RNLS: variants seen among roughly 807,000 people sequenced by gnomAD.
The protein encoded by RNLS is renalase.
Under a neutral mutation model 39.8 loss-of-function variants are expected in RNLS, and 39 were observed. That is an observed-to-expected ratio of 0.98 (90% confidence interval 0.76 to 1.28). The LOEUF is 1.28. Among genes scored for constraint, RNLS ranks in the 50% most tolerant of loss-of-function variants. The pLI, the probability that RNLS is intolerant of heterozygous loss-of-function variation, is 0.00. For synonymous variants in RNLS, 147 were observed against 150.7 expected, an observed-to-expected ratio of 0.98 and a Z score of 0.18; for missense variants, 410 against 413.3, an observed-to-expected ratio of 0.99 and a Z score of 0.07.
At chr10:88,211,854 A>G in the RNLS span, among the ~76,000 whole-genome samples, 13,740 of 152,154 alleles carry the variant, frequency 0.09, 649 homozygotes, top group African/African-American at 0.12. Context: ...TTAAAACATC[A>G]CTCTTGCTAC....
intron 4 of RNLS, among the ~76,000 whole-genome samples, chr10:88,449,420 G>C (rs911993018): frequency 6.6e-6 from 1 of 152,210 alleles, no homozygotes. Context: ...CCCAGCTCAA[G>C]TGTCACCTTC....
chr10:88,224,205 T>TGGCG, the RNLS span, among the ~76,000 whole-genome samples: 4 of 152,122 alleles, frequency 2.6e-5, no homozygotes, highest in Non-Finnish European at 5.9e-5. Context: ...AAGATCAAGG[T>TGGCG]GGCGGTAGGT....
At chr10:88,487,236 A>C (rs772655753) in intron 4 of RNLS, among the ~76,000 whole-genome samples, 1 of 152,168 alleles carries the variant, frequency 6.6e-6, no homozygotes, top group African/African-American at 2.4e-5. Context: ...ACAAGCATAA[A>C]ATATACCTAT....
intron 4 of RNLS, among the ~76,000 whole-genome samples, chr10:88,490,919 A>T (rs1250401929): frequency 6.6e-6 from 1 of 152,206 alleles, no homozygotes; most frequent in Non-Finnish European, 1.5e-5. Context: ...CTATCAATTT[A>T]TATACAATGA....
rs530994938 is a variant in RNLS, at chr10:88,445,796, G to A, written c.527-83071C>T. 3.9e-5 allele frequency among the ~76,000 whole-genome samples: 6 copies of A among 152,264 alleles called. No individual in the cohort carries two copies. In the South Asian group the frequency reaches 1.2e-3, roughly 32 times the overall value. ...AAATATACATGCACCCAATACAGGA[G>A]CACCCAAATTCATAAAGCAAGTCCT... On this transcript the variant is annotated intron_variant, in intron 4 of 6. Coordinates refer to ENST00000331772, the MANE Select transcript of RNLS (RefSeq NM_001031709.3).
rs114982373 is a variant in RNLS at position 88,311,535 on chromosome 10, G to A, written c.876+2931C>T. On this transcript the variant is annotated intron_variant, in intron 6 of 6. Transcript: ENST00000331772. ...CAAGTGCTTTATTCAAATTAAAAAT[G>A]GGATGCACAGAAACAGCTCCCAAGT... Among the ~76,000 whole-genome samples, 504 of 152,260 alleles carry A rather than the reference G, an allele frequency of 3.3e-3. 3 individuals carry two copies. The highest frequency in any genetic ancestry group is 0.011 in the African/African-American group (472 of 41,558).
intron 5 of RNLS, among the ~76,000 whole-genome samples, chr10:88,354,943 T>G (rs756016754): frequency 2.2e-4 from 34 of 152,232 alleles, no homozygotes; most frequent in Admixed American, 3.9e-4. Context: ...AAACTTCTCT[T>G]CTCGCTTCAT....
chr10:88,319,183 C>A (rs950041743), intron 5 of RNLS, among the ~76,000 whole-genome samples: 1 of 152,114 alleles, frequency 6.6e-6, no homozygotes, highest in Non-Finnish European at 1.5e-5. Context: ...CCATACAGCA[C>A]CTTGGTCCTC....
chr10:88,176,585 G>T, the RNLS span, among the ~76,000 whole-genome samples: 4 of 152,090 alleles, frequency 2.6e-5, no homozygotes, highest in Non-Finnish European at 4.4e-5. Context: ...CATATCTTTT[G>T]TTCCTTTATT....
chr10:88,195,148 G>A, the RNLS span, among the ~76,000 whole-genome samples: 1 of 152,076 alleles, frequency 6.6e-6, no homozygotes, highest in African/African-American at 2.4e-5. Flanking sequence ...TCTTTTTCCT[G>A]ACCCTGAATG....
At chr10:88,289,024 T>C (rs1843485515) in intron 6 of RNLS, among the ~76,000 whole-genome samples, 1 of 152,152 alleles carries the variant, frequency 6.6e-6, no homozygotes, top group African/African-American at 2.4e-5. Context: ...AAACAACCCC[T>C]TGCAAATCCA....
At chr10:88,368,226 T>C (rs1415942760) in intron 4 of RNLS, among the ~76,000 whole-genome samples, 1 of 151,946 alleles carries the variant, frequency 6.6e-6, no homozygotes, top group Non-Finnish European at 1.5e-5. Flanking sequence ...AGACCAAATA[T>C]ATCGAATACT....
At chr10:88,537,222 T>G (rs1050354385) in intron 4 of RNLS, among the ~76,000 whole-genome samples, 4 of 152,180 alleles carry the variant, frequency 2.6e-5, no homozygotes, top group Non-Finnish European at 5.9e-5. Flanking sequence ...CTTCTATGCT[T>G]TAGAAAAAAA....
At chr10:88,362,418 T>C (rs2133368547) in intron 5 of RNLS, 134 bp downstream of exon 5, 2 of 751,294 alleles carry the variant, frequency 2.7e-6, no homozygotes, top group East Asian at 5.4e-5. Flanking sequence ...AAATGTGACA[T>C]TAAATTTTAT....
intron 4 of RNLS, among the ~76,000 whole-genome samples, chr10:88,405,503 A>G (rs1239462772): frequency 6.6e-6 from 1 of 152,072 alleles, no homozygotes; most frequent in East Asian, 1.9e-4. Context: ...TTTGTCTGAT[A>G]TAAGAATAGC....
chr10:88,414,125 T>G (rs186999805), intron 4 of RNLS, among the ~76,000 whole-genome samples: 17 of 152,294 alleles, frequency 1.1e-4, no homozygotes, highest in Admixed American at 4.6e-4. Context: ...CTCTTCACCA[T>G]GAAGCAAATA....
the RNLS span, among the ~76,000 whole-genome samples, chr10:88,193,518 A>G: frequency 6.6e-6 from 1 of 152,032 alleles, no homozygotes; most frequent in African/African-American, 2.4e-5. Context: ...CTGCCTCTGA[A>G]TCTTTGCTTG....
intron 5 of RNLS, among the ~76,000 whole-genome samples, chr10:88,320,008 T>TG (rs1333349523): frequency 1.3e-5 from 2 of 150,632 alleles, no homozygotes; most frequent in African/African-American, 4.9e-5. Context: ...AAGGTCAACA[T>TG]GAAAAAAAAA....
chr10:88,528,852 CAAA>C (rs35644317), intron 4 of RNLS, among the ~76,000 whole-genome samples: 1 of 91,210 alleles, frequency 1.1e-5, no homozygotes, highest in Non-Finnish European at 2.1e-5. Context: ...GACTCCGTCT[CAAA>C]AAAAAAAAAA....
Sources: allele counts gnomAD v4.1 joint callset (sites outside exome capture counted in the v4.1 genomes callset), GRCh38; gene constraint gnomAD v4.1.1; transcripts MANE v1.5; gene names NCBI Gene and HGNC (gene_info 2026-07-23, HGNC 2026-07-21).